BRINP2: variants seen among roughly 807,000 people sequenced by gnomAD.
BRINP2 encodes BMP/retinoic acid inducible neural specific 2.
A neutral mutation model predicts 69.2 loss-of-function variants in BRINP2; 21 were observed. The observed-to-expected ratio is 0.30, with a 90% CI of 0.22 to 0.44. The LOEUF is 0.44. BRINP2 is among the 20% of genes least tolerant of loss of function. The pLI is 1.00. For missense variants in BRINP2, 877 were observed against 986.0 expected (o/e 0.89, Z 1.48); for synonymous variants, 380 against 394.1 (o/e 0.96, Z 0.42).
At chr1:177,176,550 T>C (rs1463527412) in intron 1 of BRINP2, among the ~76,000 whole-genome samples, 2 of 140,884 alleles carry the variant, frequency 1.4e-5, no homozygotes, top group Non-Finnish European at 3.0e-5. Flanking sequence ...ATTATTATTA[T>C]TATTTTTGGA....
At chr1:177,203,727 C>G (rs1571896312) in intron 1 of BRINP2, among the ~76,000 whole-genome samples, 1 of 152,014 alleles carries the variant, frequency 6.6e-6, no homozygotes, top group Non-Finnish European at 1.5e-5. Context: ...ATAAAAGATG[C>G]TAGGGATAAA....
intron 2 of BRINP2, among the ~76,000 whole-genome samples, chr1:177,238,120 C>G (rs1571922319): frequency 6.6e-6 from 1 of 152,160 alleles, no homozygotes; most frequent in African/African-American, 2.4e-5. Flanking sequence ...GGGACAGACC[C>G]TGAAGGAGAC....
intron 1 of BRINP2, among the ~76,000 whole-genome samples, chr1:177,189,554 A>G (rs1401528895): frequency 6.6e-6 from 1 of 152,240 alleles, no homozygotes; most frequent in Non-Finnish European, 1.5e-5. Context: ...GATCCAAACA[A>G]TCAGAGTACT....
chr1:177,191,451 T>C (rs974968370), intron 1 of BRINP2, among the ~76,000 whole-genome samples: 3 of 152,126 alleles, frequency 2.0e-5, no homozygotes, highest in African/African-American at 7.2e-5. Context: ...TTTCTTTCAC[T>C]CTTTCGCTCT....
chr1:177,212,487 G>A (rs1649252973), intron 1 of BRINP2, among the ~76,000 whole-genome samples: 1 of 152,004 alleles, frequency 6.6e-6, no homozygotes, highest in African/African-American at 2.4e-5. Context: ...GGAGCTTGCA[G>A]TGAGCTGAGA....
intron 1 of BRINP2, among the ~76,000 whole-genome samples, chr1:177,221,991 T>C (rs1408802822): frequency 6.6e-6 from 1 of 151,922 alleles, no homozygotes. Flanking sequence ...AGGATGAAGG[T>C]GAAAGGGCCC....
intron 1 of BRINP2, among the ~76,000 whole-genome samples, 196 bp from the exon 2 acceptor site, chr1:177,229,605 A>G (rs766168110): frequency 1.3e-5 from 2 of 152,224 alleles, no homozygotes; most frequent in African/African-American, 2.4e-5. Context: ...AATGATGGCA[A>G]TAGTGTTTCC....
At chr1:177,214,299 G>A (rs777352759) in intron 1 of BRINP2, among the ~76,000 whole-genome samples, 4 of 152,232 alleles carry the variant, frequency 2.6e-5, no homozygotes, top group Non-Finnish European at 4.4e-5. Flanking sequence ...CGGGCCTGGT[G>A]GCCGGAGCCT....
intron 1 of BRINP2, among the ~76,000 whole-genome samples, chr1:177,179,170 A>T (rs1224561131): frequency 6.6e-6 from 1 of 152,204 alleles, no homozygotes; most frequent in Non-Finnish European, 1.5e-5. Flanking sequence ...TAAACAAATA[A>T]ATAATTTCAA....
intron 1 of BRINP2, among the ~76,000 whole-genome samples, 175 bp downstream of exon 1, chr1:177,171,907 T>C (rs1647945188): frequency 6.6e-6 from 1 of 152,140 alleles, no homozygotes; most frequent in African/African-American, 2.4e-5. Context: ...AGTTGAGCAA[T>C]GGACTTTGGG....
chr1:177,232,584 T>C (rs1255005831), intron 2 of BRINP2, among the ~76,000 whole-genome samples: 1 of 152,164 alleles, frequency 6.6e-6, no homozygotes, highest in East Asian at 1.9e-4. Context: ...AAATGGTGGC[T>C]CATGCGCACT....
At chr1:177,225,412 A>C (rs1265844406) in intron 1 of BRINP2, among the ~76,000 whole-genome samples, 7 of 152,234 alleles carry the variant, frequency 4.6e-5, no homozygotes, top group African/African-American at 1.7e-4. Context: ...GTAAATTTAT[A>C]ATTCTTTTCA....
chr1:177,211,623 A>G (rs536245415), intron 1 of BRINP2, among the ~76,000 whole-genome samples: 1 of 152,240 alleles, frequency 6.6e-6, no homozygotes, highest in South Asian at 2.1e-4. Flanking sequence ...ATTATGATTC[A>G]AGTTATGGCT....
At chr1:177,221,316 T>C (rs942905379) in intron 1 of BRINP2, among the ~76,000 whole-genome samples, 4 of 152,248 alleles carry the variant, frequency 2.6e-5, no homozygotes, top group Non-Finnish European at 5.9e-5. Flanking sequence ...TAATTAGAGG[T>C]GATTATAATG....
chr1:177,211,004 A>C (rs1310673802), intron 1 of BRINP2, among the ~76,000 whole-genome samples: 1 of 149,054 alleles, frequency 6.7e-6, no homozygotes, highest in African/African-American at 2.4e-5. Flanking sequence ...TTATGTATAT[A>C]TATATTATGT....
chr1:177,181,330 A>G (rs1648239689), intron 1 of BRINP2, among the ~76,000 whole-genome samples: 1 of 152,190 alleles, frequency 6.6e-6, no homozygotes, highest in Non-Finnish European at 1.5e-5. Context: ...CAGGTCTCCC[A>G]GAACGAAGGC....
chr1:177,264,900 A>G (rs1005749408), intron 4 of BRINP2, among the ~76,000 whole-genome samples: 5 of 152,230 alleles, frequency 3.3e-5, no homozygotes, highest in Admixed American at 6.5e-5. Context: ...TATAGATTCA[A>G]TGCTATCCCC....
chr1:177,191,559 A>T (rs1648595318), intron 1 of BRINP2, among the ~76,000 whole-genome samples: 1 of 152,172 alleles, frequency 6.6e-6, no homozygotes, highest in Non-Finnish European at 1.5e-5. Flanking sequence ...GGATCAAGCG[A>T]TTCTCCTGCC....
intron 2 of BRINP2, among the ~76,000 whole-genome samples, chr1:177,231,007 G>GA (rs1649847906): frequency 6.6e-6 from 1 of 151,986 alleles, no homozygotes; most frequent in South Asian, 2.1e-4. Flanking sequence ...CATGCAAAAA[G>GA]AAAAAACATG....
Sources: allele counts gnomAD v4.1 joint callset (sites outside exome capture counted in the v4.1 genomes callset), GRCh38; gene constraint gnomAD v4.1.1; transcripts MANE v1.5; gene names NCBI Gene and HGNC (gene_info 2026-07-23, HGNC 2026-07-21).